DEF8: variants seen among roughly 807,000 people sequenced by gnomAD.
DEF8 encodes the protein differentially expressed in FDCP 8 homolog.
Under a neutral mutation model 59.1 loss-of-function variants are expected in DEF8, and 38 were observed. The observed-to-expected ratio is 0.64, with a 90% CI of 0.50 to 0.84. The LOEUF is 0.84. Among genes scored for constraint, DEF8 ranks in the 40% least tolerant of loss-of-function variants. DEF8 has a pLI of 0.00. For missense variants in DEF8, 557 were observed against 615.2 expected, an observed-to-expected ratio of 0.91 and a Z score of 1.00; for synonymous variants, 265 against 250.1, an observed-to-expected ratio of 1.06 and a Z score of -0.56.
rs1394619632 is a variant in DEF8, at chr16:89,950,101, C to T, written c.-11+588C>T. 17 of 988,896 alleles carry T rather than the reference C, an allele frequency of 1.7e-5. No homozygotes were observed. The Admixed American group carries it at 1.8e-4, about 11-fold the overall frequency. 61.3% of individuals were successfully genotyped at this position (988,896 alleles called of 1,614,324 possible). ...GAGCTGGTAGCCTAGAGTACAGCTG[C>T]TGGGCAGAACGGAGGTGTCCCTGCC... On this transcript the variant is annotated intron_variant, in intron 2 of 12. Transcript: ENST00000563594.
rs368298082 is a variant in DEF8, at chr16:89,957,531, C to A, written c.243C>A (p.Asp81Glu). ...GGCAGGGTCTGTTCCTGGCCTCTGACGTCCAGCAGCTGCGGCAGGCGATCG... is the reference window on the plus strand; with the variant it reads ...GGCAGGGTCTGTTCCTGGCCTCTGAAGTCCAGCAGCTGCGGCAGGCGATCG... ...SRPVGLFLAS[D>E]VQQLRQAIEE... Residue 81 changes from aspartate to glutamate, a missense_variant, in exon 5 of 13, where the codon GAC becomes GAA. By Grantham distance (45) the Asp-to-Glu change is conservative (BLOSUM62 2). Coordinates refer to ENST00000563594, the MANE Select transcript of DEF8 (RefSeq NM_001242818.2). 6.3e-7 allele frequency: 1 copy of A among 1,591,270 alleles called. No individual in the cohort carries two copies. The highest frequency in any genetic ancestry group is 8.6e-7 in the Non-Finnish European group (1 of 1,169,282).
chr16:89,963,281 C>T (rs537419617), intron 9 of DEF8, 82 bp from the exon 10 acceptor site: 100 of 1,231,108 alleles, frequency 8.1e-5, no homozygotes, highest in South Asian at 1.3e-4. Context: ...CTGGCCCTGC[C>T]GTGGCCCCGG....
Position 89,967,685 on chromosome 16 carries a change from A to C in DEF8, c.*1722A>C, listed in dbSNP as rs2034674881. 2.5e-6 allele frequency: 1 copy of C among 392,576 alleles called. No homozygotes were observed. The highest frequency in any genetic ancestry group is 1.4e-4 in the South Asian group (1 of 6,968). The allele number at this position is 392,576 out of a possible 1,614,324, so 24.3% of individuals were successfully genotyped here. A position where few individuals can be genotyped will look rare whatever the true frequency, so the allele number is the denominator to read the frequency against. Reference sequence around the variant, plus strand: ...CCCAAAGTCTGCACACGTCTCATGAATGCATCACATTTCTGTCATATGGAT... The same window carrying C: ...CCCAAAGTCTGCACACGTCTCATGACTGCATCACATTTCTGTCATATGGAT... On this transcript the variant is annotated 3_prime_UTR_variant, in exon 13 of 13. Transcript: ENST00000563594.
intron 2 of DEF8, chr16:89,950,166 C>T (rs1250956597): frequency 1.0e-6 from 1 of 986,894 alleles, no homozygotes; most frequent in Non-Finnish European, 1.2e-6. Context: ...ATGTTTTAAA[C>T]ACCAGGAGGT....
rs1410842064 is a variant in DEF8, at chr16:89,950,278, G to C, written c.-11+765G>C. ...TGTTCTGAGCAGCTCTGGGCTCCTGGCTTCACTGACATCATAAACAAGTCC... is the reference window on the plus strand; with the variant it reads ...TGTTCTGAGCAGCTCTGGGCTCCTGCCTTCACTGACATCATAAACAAGTCC... On this transcript the variant is annotated intron_variant, in intron 2 of 12. Coordinates refer to ENST00000563594, the MANE Select transcript of DEF8 (RefSeq NM_001242818.2). 5.1e-6 allele frequency: 5 copies of C among 985,394 alleles called. No homozygotes were observed. In the African/African-American group the frequency reaches 8.7e-5, roughly 17 times the overall value. The allele number at this position is 985,394 out of a possible 1,614,324, so 61.0% of individuals were successfully genotyped here.
At chr16:89,952,014 G>C (rs11862892) in intron 2 of DEF8, among the ~76,000 whole-genome samples, 1 of 151,904 alleles carries the variant, frequency 6.6e-6, no homozygotes, top group African/African-American at 2.4e-5. Context: ...AGTAGCTGGG[G>C]CTACAGGCGC....
At position 89,957,493 on chromosome 16, in the gene DEF8, C is replaced by T. The variant is rs12596872; in HGVS notation, c.223-18C>T. The stretch of plus-strand genomic sequence containing the variant: ...TGCAGGATGGGCCTTTGACTGCCCC[C>T]GCCCCCAACCTGGGCAGGGTCTGTT... On this transcript the variant is annotated intron_variant, in intron 4 of 12. Coordinates refer to ENST00000563594, the MANE Select transcript of DEF8 (RefSeq NM_001242818.2). 0.14 allele frequency: 225,688 copies of T among 1,566,616 alleles called. 24,065 individuals are homozygous for T. The highest frequency in any genetic ancestry group is 0.57 in the East Asian group (24,044 of 42,306).
At chr16:89,950,222 C>T (rs2031753277) in intron 2 of DEF8, 2 of 986,000 alleles carry the variant, frequency 2.0e-6, no homozygotes, top group Non-Finnish European at 2.4e-6. Flanking sequence ...TTTTCCTGGG[C>T]TGGTCACCAT....
intron 12 of DEF8, among the ~76,000 whole-genome samples, chr16:89,965,081 A>T (rs906916625): frequency 6.6e-6 from 1 of 152,234 alleles, no homozygotes; most frequent in Non-Finnish European, 1.5e-5. Context: ...CCGCTAGACC[A>T]ACAGGGAAAA....
At chr16:89,956,444 A>T (rs570695363) in intron 4 of DEF8, 6 of 151,616 alleles carry the variant, frequency 4.0e-5, no homozygotes, top group African/African-American at 1.2e-4. Context: ...TGGGCGACAG[A>T]GACTCCGTCT....
In DEF8 at chr16:89,957,492, C is replaced by A. The variant is rs759640026; in HGVS notation, c.223-19C>A. 95 of 1,566,732 alleles carry A rather than the reference C, an allele frequency of 6.1e-5. No individual in the cohort carries two copies. In the South Asian group the frequency reaches 1.0e-3, roughly 17 times the overall value. On this transcript the variant is annotated intron_variant, in intron 4 of 12. Coordinates refer to ENST00000563594, the MANE Select transcript of DEF8 (RefSeq NM_001242818.2). ...CTGCAGGATGGGCCTTTGACTGCCC[C>A]CGCCCCCAACCTGGGCAGGGTCTGT... is the stretch of plus-strand genomic sequence containing the variant.
chr16:89,964,593 C>T lies in DEF8; in HGVS notation c.1253+18C>T, dbSNP rs543524960. 2.3e-5 allele frequency: 36 copies of T among 1,540,782 alleles called. No homozygotes were observed. The highest frequency in any genetic ancestry group is 2.6e-5 in the Non-Finnish European group (30 of 1,142,756). On this transcript the variant is annotated intron_variant, in intron 12 of 12. Coordinates refer to ENST00000563594, the MANE Select transcript of DEF8 (RefSeq NM_001242818.2). ...TTCCACAGGTGGGTGTGGCCTGGGC[C>T]CCGCACTCGGGGGCTGGGGCTCTGC...
intron 6 of DEF8, among the ~76,000 whole-genome samples, chr16:89,959,941 G>C (rs2033804800): frequency 6.6e-6 from 1 of 152,160 alleles, no homozygotes; most frequent in African/African-American, 2.4e-5. Context: ...TGTGGCTGCA[G>C]CTTTGTGTCT....
intron 1 of DEF8, 85 bp from the exon 2 acceptor site, chr16:89,949,331 GC>G (rs2031501070): frequency 9.0e-7 from 1 of 1,106,036 alleles, no homozygotes; most frequent in African/African-American, 1.6e-5. Context: ...GGAGAGACCT[GC>G]CCCCGAGGAG....
Position 89,964,520 on chromosome 16 carries a change from T to C in DEF8, c.1198T>C (p.Phe400Leu). The C allele has an allele frequency of 6.3e-7, 1 of 1,597,790 alleles. No homozygotes were observed. The highest frequency in any genetic ancestry group is 8.5e-7 in the Non-Finnish European group (1 of 1,172,748). Residue 400 changes from phenylalanine (F) to leucine (L), a missense_variant, in exon 12 of 13, where the codon TTC becomes CTC. Phe to Leu is a conservative substitution (Grantham distance 22, BLOSUM62 0). Coordinates refer to ENST00000563594, the MANE Select transcript of DEF8 (RefSeq NM_001242818.2). The part of the protein sequence containing the change: ...CELCREGDVL[F>L]PFDSHTSVCA... ...GCTCTGCAGAGAGGGCGACGTGCTGTTCCCGTTCGACAGCCACACGTCTGT... is the reference window on the plus strand; with the variant it reads ...GCTCTGCAGAGAGGGCGACGTGCTGCTCCCGTTCGACAGCCACACGTCTGT...
At position 89,955,189 on chromosome 16, in the gene DEF8, C is replaced by G. The variant is rs775301758; in HGVS notation, c.145C>G (p.Pro49Ala). 29 of 1,613,516 alleles carry G rather than the reference C, an allele frequency of 1.8e-5. 1 individual carries two copies. In the Middle Eastern group the frequency reaches 1.6e-3, roughly 92 times the overall value. ...TPEEALPELPPGEPEFRCPER... is the reference protein window; with the variant it reads ...TPEEALPELPAGEPEFRCPER... ...TCCAGAGGCCCTGCCTGAGCTGCCCCCTGGGGAGCCGGAATTCCGCTGCCC... is the reference window on the plus strand; with the variant it reads ...TCCAGAGGCCCTGCCTGAGCTGCCCGCTGGGGAGCCGGAATTCCGCTGCCC... Residue 49 changes from proline to alanine, a missense_variant, in exon 4 of 13, where the codon CCT (proline) becomes GCT (alanine). Transcript: ENST00000563594.
chr16:89,965,026 A>G (rs1597538244), intron 12 of DEF8, among the ~76,000 whole-genome samples: 1 of 152,118 alleles, frequency 6.6e-6, no homozygotes, highest in East Asian at 1.9e-4. Flanking sequence ...AATTCCTAAC[A>G]CTTTGATTTA....
At chr16:89,952,947 A>G (rs1037485139) in intron 2 of DEF8, among the ~76,000 whole-genome samples, 1 of 152,326 alleles carries the variant, frequency 6.6e-6, no homozygotes, top group Non-Finnish European at 1.5e-5. Flanking sequence ...CAATTAGTTC[A>G]AATCCCAGTT....
At chr16:89,958,598 CTCA>C in intron 5 of DEF8, 1 of 193,990 alleles carries the variant, frequency 5.2e-6, no homozygotes. Flanking sequence ...TGTTCGTTTC[CTCA>C]CGTAAAAATC....
Sources: allele counts gnomAD v4.1 joint callset (sites outside exome capture counted in the v4.1 genomes callset), GRCh38; gene constraint gnomAD v4.1.1; transcripts MANE v1.5; gene names NCBI Gene and HGNC (gene_info 2026-07-23, HGNC 2026-07-21).